The following DOK6 variants were observed in gnomAD, a reference collection of about 807,000 sequenced individuals.
The protein encoded by DOK6 is downstream of tyrosine kinase 6.
A neutral mutation model predicts 44.0 loss-of-function variants in DOK6; 22 were observed. The observed-to-expected ratio is 0.50, with a 90% confidence interval of 0.36 to 0.71. The LOEUF (loss-of-function observed/expected upper bound fraction) is 0.71, where lower values mean the gene tolerates loss of function less well. Ranked by LOEUF, DOK6 falls within the 30% of genes least tolerant of loss-of-function variation. The probability of loss-of-function intolerance (pLI) is 0.00; values close to 1 mark genes in which losing one functional copy is unlikely to be tolerated. For missense variants in DOK6, 340 were observed against 416.4 expected, an observed-to-expected ratio of 0.82 and a Z score of 1.60; for synonymous variants, 166 against 145.5, an observed-to-expected ratio of 1.14 and a Z score of -1.01.
chr18:69,816,099 T>C (rs1046869388), intron 7 of DOK6, among the ~76,000 whole-genome samples: 2 of 152,172 alleles, frequency 1.3e-5, no homozygotes, highest in Non-Finnish European at 2.9e-5. Context: ...AGACCAAACA[T>C]AGCAATTCAT....
At chr18:69,777,751 C>CG (rs1980120486) in intron 7 of DOK6, 1 of 107,234 alleles carries the variant, frequency 9.3e-6, no homozygotes, top group Non-Finnish European at 1.8e-5. Context: ...CCTTCACTGA[C>CG]AAAAAAAAAA....
rs12605879 is a variant in DOK6, at chr18:69,698,690, A to G, written c.599+97A>G. 561,452 of 1,198,382 alleles carry G rather than the reference A, an allele frequency of 0.47. 133,037 individuals are homozygous for G. The highest frequency in any genetic ancestry group is 0.66 in the East Asian group (24,621 of 37,144). The allele number at this position is 1,198,382 out of a possible 1,614,324, so 74.2% of individuals were successfully genotyped here. A position where few individuals can be genotyped will look rare whatever the true frequency, so the allele number is the denominator to read the frequency against. On this transcript the variant is annotated intron_variant, in intron 5 of 7. Coordinates refer to ENST00000382713, the MANE Select transcript of DOK6 (RefSeq NM_152721.6). ...GAGAGTGCTGTCCATCATTGCCCCC[A>G]GTGAGCACTGTTTTCATTCAGGGTA...
intron 6 of DOK6, among the ~76,000 whole-genome samples, chr18:69,746,026 A>G (rs1211953546): frequency 6.6e-6 from 1 of 152,164 alleles, no homozygotes; most frequent in Non-Finnish European, 1.5e-5. Flanking sequence ...TTTTATGTGT[A>G]TTTATCATGT....
intron 1 of DOK6, among the ~76,000 whole-genome samples, chr18:69,465,950 A>T (rs1979913547): frequency 6.6e-6 from 1 of 152,230 alleles, no homozygotes; most frequent in African/African-American, 2.4e-5. Context: ...GGTGTATGAC[A>T]TGATGCTTTA....
intron 5 of DOK6, among the ~76,000 whole-genome samples, chr18:69,708,926 C>A (rs952670691): frequency 6.6e-6 from 1 of 152,130 alleles, no homozygotes; most frequent in Middle Eastern, 3.2e-3. Flanking sequence ...CAAAAACGAG[C>A]CTTTCCTTTG....
chr18:69,689,907 C>T (rs1016038309), intron 4 of DOK6, among the ~76,000 whole-genome samples: 4 of 151,958 alleles, frequency 2.6e-5, no homozygotes, highest in African/African-American at 9.7e-5. Flanking sequence ...AAAATTGTAG[C>T]ACCTTAAAAT....
At chr18:69,727,947 T>G (rs1212624337) in intron 5 of DOK6, among the ~76,000 whole-genome samples, 1 of 152,192 alleles carries the variant, frequency 6.6e-6, no homozygotes, top group East Asian at 1.9e-4. Context: ...ACAAAAATCT[T>G]ACATGACCTT....
At chr18:69,754,093 A>G (rs1269909887) in intron 6 of DOK6, among the ~76,000 whole-genome samples, 1 of 152,134 alleles carries the variant, frequency 6.6e-6, no homozygotes, top group Non-Finnish European at 1.5e-5. Context: ...TTACTATAGC[A>G]TTTTAAGTTT....
intron 7 of DOK6, 99 bp downstream of exon 7, chr18:69,757,972 T>TCCCATTCCCATTTATCAGCTG: frequency 1.0e-6 from 1 of 1,004,630 alleles, no homozygotes; most frequent in Non-Finnish European, 1.6e-6. Flanking sequence ...TTGCTTTTCC[T>TCCCATTCCCATTTATCAGCTG]CCCATTCCCA....
intron 1 of DOK6, among the ~76,000 whole-genome samples, chr18:69,526,300 T>C (rs1022700789): frequency 1.3e-5 from 2 of 152,156 alleles, no homozygotes; most frequent in Non-Finnish European, 2.9e-5. Context: ...ATTTGTCTAT[T>C]ACAGACATTT....
intron 1 of DOK6, among the ~76,000 whole-genome samples, chr18:69,426,723 T>C (rs1437794818): frequency 6.6e-6 from 1 of 152,216 alleles, no homozygotes; most frequent in South Asian, 2.1e-4. Context: ...CTTTGTAGAA[T>C]ATGATATGTG....
At chr18:69,674,338 G>A (rs1399821538) in intron 3 of DOK6, among the ~76,000 whole-genome samples, 1 of 152,122 alleles carries the variant, frequency 6.6e-6, no homozygotes, top group Non-Finnish European at 1.5e-5. Flanking sequence ...TGAAGTTTTA[G>A]GACTGATCTT....
At chr18:69,466,311 G>A (rs1436304273) in intron 1 of DOK6, among the ~76,000 whole-genome samples, 1 of 152,092 alleles carries the variant, frequency 6.6e-6, no homozygotes, top group African/African-American at 2.4e-5. Context: ...ATGTTTTCCA[G>A]ATTCATTCAT....
At chr18:69,578,303 A>G (rs1247839534) in intron 2 of DOK6, among the ~76,000 whole-genome samples, 1 of 152,224 alleles carries the variant, frequency 6.6e-6, no homozygotes, top group Admixed American at 6.5e-5. Flanking sequence ...GCAAGTAATA[A>G]TAACATCATG....
intron 3 of DOK6, among the ~76,000 whole-genome samples, chr18:69,632,787 G>T (rs1984718341): frequency 1.3e-5 from 2 of 152,214 alleles, no homozygotes; most frequent in Admixed American, 6.5e-5. Flanking sequence ...AATATAAAAA[G>T]AAGCATCATT....
intron 2 of DOK6, among the ~76,000 whole-genome samples, chr18:69,578,338 C>T (rs1983286161): frequency 6.6e-6 from 1 of 152,042 alleles, no homozygotes; most frequent in Middle Eastern, 3.4e-3. Flanking sequence ...GAGGTGATCG[C>T]GAGTAACATA....
chr18:69,754,607 G>A (rs1979296061), intron 6 of DOK6, among the ~76,000 whole-genome samples: 1 of 152,148 alleles, frequency 6.6e-6, no homozygotes, highest in South Asian at 2.1e-4. Flanking sequence ...CTGGAGGCTG[G>A]AAGTGCAAAA....
chr18:69,488,745 C>T (rs935959109), intron 1 of DOK6, among the ~76,000 whole-genome samples: 2 of 152,094 alleles, frequency 1.3e-5, no homozygotes, highest in Non-Finnish European at 2.9e-5. Flanking sequence ...TACCTCCTAC[C>T]GGGTCCCTCC....
chr18:69,513,071 C>A (rs1981417735), intron 1 of DOK6, among the ~76,000 whole-genome samples: 1 of 151,772 alleles, frequency 6.6e-6, no homozygotes, highest in African/African-American at 2.4e-5. Context: ...TGAATTTAAT[C>A]TTGAGATTAT....
Sources: gnomAD v4.1 joint callset for allele counts (sites outside exome capture counted in the v4.1 genomes callset) on GRCh38, gnomAD v4.1.1 for gene constraint, MANE v1.5 for transcripts, NCBI Gene and HGNC (gene_info 2026-07-23, HGNC 2026-07-21) for gene names.